The following GMDS variants were observed in gnomAD, a reference collection of about 807,000 sequenced individuals.
GMDS encodes the protein GDP-mannose 4,6-dehydratase.
A neutral mutation model predicts 49.9 loss-of-function variants in GMDS; 20 were observed. The observed-to-expected ratio is 0.40, with a 90% CI of 0.28 to 0.58. GMDS has a LOEUF of 0.58. GMDS is among the 20% of genes least tolerant of loss of function. The probability of loss-of-function intolerance (pLI) is 0.42; values close to 1 mark genes in which losing one functional copy is unlikely to be tolerated. For synonymous variants in GMDS, 177 were observed against 178.6 expected (o/e 0.99, Z 0.07); for missense variants, 362 against 481.4 (o/e 0.75, Z 2.32).
chr6:1,675,149 C>A (rs1764574907), intron 9 of GMDS, among the ~76,000 whole-genome samples: 1 of 152,050 alleles, frequency 6.6e-6, no homozygotes, highest in Non-Finnish European at 1.5e-5. Context: ...GTTGGTCAGG[C>A]TGGTCTCCAA....
intron 7 of GMDS, among the ~76,000 whole-genome samples, chr6:1,890,494 C>G (rs1159424969): frequency 1.3e-5 from 2 of 151,998 alleles, no homozygotes; most frequent in Non-Finnish European, 2.9e-5. Flanking sequence ...AGATATATGA[C>G]TTGCAAATGT....
At chr6:1,875,711 T>C (rs1369111965) in intron 7 of GMDS, among the ~76,000 whole-genome samples, 5 of 152,138 alleles carry the variant, frequency 3.3e-5, no homozygotes, top group Admixed American at 2.6e-4. Context: ...TAATAGCACA[T>C]TGTTAATCAC....
intron 9 of GMDS, among the ~76,000 whole-genome samples, chr6:1,633,982 T>G (rs1046639720): frequency 1.3e-5 from 2 of 152,208 alleles, no homozygotes; most frequent in African/African-American, 2.4e-5. Context: ...GTGCCAATTT[T>G]TGAAAGTATG....
At chr6:2,032,263 G>C (rs1769012615) in intron 4 of GMDS, among the ~76,000 whole-genome samples, 1 of 152,122 alleles carries the variant, frequency 6.6e-6, no homozygotes, top group Non-Finnish European at 1.5e-5. Context: ...TCAATGTCAA[G>C]CATTTGAAAG....
chr6:1,793,868 A>G (rs1004189546), intron 7 of GMDS, among the ~76,000 whole-genome samples: 7 of 152,224 alleles, frequency 4.6e-5, no homozygotes, highest in Non-Finnish European at 7.3e-5. Context: ...GCTTATTGCC[A>G]AAAATGAAGA....
intron 4 of GMDS, among the ~76,000 whole-genome samples, chr6:1,987,914 A>G (rs1415330785): frequency 6.6e-6 from 1 of 152,204 alleles, no homozygotes; most frequent in Non-Finnish European, 1.5e-5. Context: ...CCTCTCGAAA[A>G]AAAACTAAAG....
intron 7 of GMDS, among the ~76,000 whole-genome samples, chr6:1,752,330 T>G (rs1256004054): frequency 1.3e-5 from 2 of 151,968 alleles, no homozygotes; most frequent in Admixed American, 1.3e-4. Flanking sequence ...AAGACAAGAT[T>G]AGAGAAAAAA....
At chr6:1,751,484 T>C (rs1324299559) in intron 7 of GMDS, among the ~76,000 whole-genome samples, 2 of 152,214 alleles carry the variant, frequency 1.3e-5, no homozygotes. Flanking sequence ...CAGAGGGACC[T>C]GTTTTTTCAT....
chr6:1,852,358 T>C (rs2113767908), intron 7 of GMDS, among the ~76,000 whole-genome samples: 1 of 152,320 alleles, frequency 6.6e-6, no homozygotes, highest in African/African-American at 2.4e-5. Flanking sequence ...TCAAAATCTT[T>C]CAAGGATATT....
At chr6:2,043,502 C>G (rs558843276) in intron 4 of GMDS, 1 of 152,260 alleles carries the variant, frequency 6.6e-6, no homozygotes, top group East Asian at 1.9e-4. Flanking sequence ...CCACAGCAGC[C>G]CCTGGCACAG....
intron 4 of GMDS, among the ~76,000 whole-genome samples, chr6:2,041,292 T>C (rs547505274): frequency 6.6e-6 from 1 of 152,318 alleles, no homozygotes; most frequent in African/African-American, 2.4e-5. Context: ...GTACTTGTTA[T>C]AGGTATGCCC....
chr6:2,180,888 C>G (rs1384313304), intron 1 of GMDS, among the ~76,000 whole-genome samples: 1 of 152,048 alleles, frequency 6.6e-6, no homozygotes, highest in East Asian at 1.9e-4. Flanking sequence ...TGGATGAAGG[C>G]CAGGTGCGGT....
chr6:2,203,088 C>A (rs1370027939), intron 1 of GMDS, among the ~76,000 whole-genome samples: 4 of 152,136 alleles, frequency 2.6e-5, no homozygotes, highest in Admixed American at 2.6e-4. Context: ...TCATAGGAAG[C>A]CTGTTAATCA....
intron 4 of GMDS, among the ~76,000 whole-genome samples, chr6:2,076,380 G>T (rs1219411376): frequency 2.0e-5 from 3 of 150,556 alleles, no homozygotes; most frequent in Non-Finnish European, 4.5e-5. Context: ...AGCTACCAAT[G>T]ACTTTCTTCA....
intron 7 of GMDS, among the ~76,000 whole-genome samples, chr6:1,792,223 C>T (rs1464115599): frequency 6.6e-6 from 1 of 151,962 alleles, no homozygotes; most frequent in Non-Finnish European, 1.5e-5. Context: ...ATCCCCTTTC[C>T]CCACCAGGCT....
rs1031906252 is a variant in GMDS at position 1,700,335 on chromosome 6, T to A, written c.987+26081A>T. Among the ~76,000 whole-genome samples the A allele has an allele frequency of 8.5e-5, 13 of 152,336 alleles. No individual in the cohort carries two copies. In the South Asian group the frequency reaches 2.7e-3, roughly 32 times the overall value. ...TGTGGGGAAGAAATCTACAATCCCT[T>A]AATTCCATTTTCATATAGTCACAAA... On this transcript the variant is annotated intron_variant, in intron 9 of 10. Transcript: ENST00000380815.
At chr6:1,982,485 C>A (rs1765279132) in intron 4 of GMDS, among the ~76,000 whole-genome samples, 1 of 152,158 alleles carries the variant, frequency 6.6e-6, no homozygotes, top group Non-Finnish European at 1.5e-5. Flanking sequence ...TAGAAAACCC[C>A]ATTGTCTCAG....
In GMDS at chr6:1,983,077, C is replaced by A. The variant is rs1223612482; in HGVS notation, c.346-22111G>T. On this transcript the variant is annotated intron_variant, in intron 4 of 10. Coordinates refer to ENST00000380815, the MANE Select transcript of GMDS (RefSeq NM_001500.4). ...TAGAGAACCCAAAAATGAGACCGCA[C>A]ACCCACAACCAACTGATCTTTGACA... 4.6e-5 allele frequency among the ~76,000 whole-genome samples: 7 copies of A among 152,238 alleles called. No individual in the cohort carries two copies. The East Asian group carries it at 1.4e-3, about 29-fold the overall frequency.
At chr6:1,943,029 G>A (rs1477817392) in intron 6 of GMDS, among the ~76,000 whole-genome samples, 1 of 152,152 alleles carries the variant, frequency 6.6e-6, no homozygotes. Flanking sequence ...GCAACCACAA[G>A]CCTCTTTCTT....
Sources: gnomAD v4.1 joint callset for allele counts (sites outside exome capture counted in the v4.1 genomes callset) on GRCh38, gnomAD v4.1.1 for gene constraint, MANE v1.5 for transcripts, NCBI Gene and HGNC (gene_info 2026-07-23, HGNC 2026-07-21) for gene names.